The following CRPPA variants were observed in gnomAD, a reference collection of about 807,000 sequenced individuals.
CRPPA encodes the protein CDP-L-ribitol pyrophosphorylase A.
CRPPA carries 43 observed loss-of-function variants against 52.0 expected under a neutral mutation model. The ratio of observed to expected loss-of-function variants is 0.83; its 90% CI spans 0.65 to 1.07. The LOEUF (loss-of-function observed/expected upper bound fraction) is 1.07. CRPPA is among the 50% of genes least tolerant of loss of function. The pLI is 0.00. For missense variants in CRPPA, 629 were observed against 551.7 expected, an observed-to-expected ratio of 1.14 and a Z score of -1.40; for synonymous variants, 250 against 203.5, an observed-to-expected ratio of 1.23 and a Z score of -1.94.
In CRPPA at chr7:16,399,695, A is replaced by T. The variant is rs181389425; in HGVS notation, c.534+6366T>A. ...GACGCATGACCAGTGACACGTGAGC[A>T]ACACGTGACCAACATGACTGACATG... On this transcript the variant is annotated intron_variant, in intron 2 of 9. Transcript: ENST00000407010. Among the ~76,000 whole-genome samples, 1,115 of 152,120 alleles carry T rather than the reference A, an allele frequency of 7.3e-3. 14 individuals carry two copies. The highest frequency in any genetic ancestry group is 0.025 in the African/African-American group (1,017 of 41,448).
chr7:16,223,421 A>G (rs1194612009), intron 8 of CRPPA, among the ~76,000 whole-genome samples: 1 of 152,200 alleles, frequency 6.6e-6, no homozygotes, highest in African/African-American at 2.4e-5. Context: ...TTAAACACAG[A>G]TACAGAACTC....
At chr7:16,199,859 T>TC (rs1332261808) in intron 9 of CRPPA, among the ~76,000 whole-genome samples, 10 of 149,316 alleles carry the variant, frequency 6.7e-5, no homozygotes, top group Non-Finnish European at 1.0e-4. Flanking sequence ...TTTTTCTTTT[T>TC]TTTTTTTTTT....
intron 9 of CRPPA, among the ~76,000 whole-genome samples, chr7:16,139,117 T>G (rs1465837805): frequency 6.6e-6 from 1 of 152,076 alleles, no homozygotes; most frequent in Non-Finnish European, 1.5e-5. Flanking sequence ...ACCCCCTTTA[T>G]GAGCTCACTT....
At chr7:16,148,264 G>A (rs1783011966) in intron 9 of CRPPA, among the ~76,000 whole-genome samples, 2 of 152,038 alleles carry the variant, frequency 1.3e-5, no homozygotes, top group Non-Finnish European at 2.9e-5. Context: ...ATACAACTGT[G>A]ACATGAACTA....
intron 8 of CRPPA, among the ~76,000 whole-genome samples, chr7:16,255,513 G>T (rs1783614291): frequency 6.6e-6 from 1 of 152,128 alleles, no homozygotes; most frequent in African/African-American, 2.4e-5. Context: ...AACAAAGCTG[G>T]AGGCATCACG....
At position 16,203,053 on chromosome 7, in the gene CRPPA, G is replaced by A. The variant is rs1005045860; in HGVS notation, c.1251+13013C>T. Among the ~76,000 whole-genome samples, 4 of 152,130 alleles carry A rather than the reference G, an allele frequency of 2.6e-5. No homozygotes were observed. The East Asian group carries it at 7.7e-4, about 29-fold the overall frequency. ...TTCACAAGTGGTTAAAAATAACTAG[G>A]TTGGTAATATTTTAAGGGTCTTATC... On this transcript the variant is annotated intron_variant, in intron 9 of 9. Coordinates refer to ENST00000407010, the MANE Select transcript of CRPPA (RefSeq NM_001101426.4).
intron 2 of CRPPA, among the ~76,000 whole-genome samples, chr7:16,403,955 C>A (rs950360103): frequency 2.0e-5 from 3 of 152,186 alleles, no homozygotes; most frequent in Non-Finnish European, 4.4e-5. Context: ...GGAGTTTCAA[C>A]TGACTCCACC....
At chr7:16,250,724 G>T (rs980428457) in intron 8 of CRPPA, among the ~76,000 whole-genome samples, 1 of 152,104 alleles carries the variant, frequency 6.6e-6, no homozygotes, top group African/African-American at 2.4e-5. Flanking sequence ...CCTGAAGGAA[G>T]CACTAAACAT....
At chr7:16,182,688 C>G (rs530582207) in intron 9 of CRPPA, among the ~76,000 whole-genome samples, 2 of 152,244 alleles carry the variant, frequency 1.3e-5, no homozygotes, top group African/African-American at 4.8e-5. Context: ...GTTATCAGCC[C>G]TGATTCCCCA....
chr7:16,111,111 G>A (rs1226225640), intron 9 of CRPPA, among the ~76,000 whole-genome samples: 3 of 151,718 alleles, frequency 2.0e-5, no homozygotes, highest in Non-Finnish European at 4.4e-5. Context: ...AATTAAAAAC[G>A]GCAAGGGACC....
intron 2 of CRPPA, among the ~76,000 whole-genome samples, chr7:16,386,176 A>G (rs1441302582): frequency 1.8e-5 from 2 of 111,970 alleles, no homozygotes; most frequent in African/African-American, 4.5e-5. Flanking sequence ...ATGGGGTGGG[A>G]AGATGATCTC....
At chr7:16,116,158 G>A (rs1381909836) in intron 9 of CRPPA, among the ~76,000 whole-genome samples, 2 of 152,088 alleles carry the variant, frequency 1.3e-5, no homozygotes, top group Admixed American at 6.6e-5. Context: ...CCCAGCAGAT[G>A]CCACTTTAAC....
intron 3 of CRPPA, among the ~76,000 whole-genome samples, chr7:16,322,354 T>C (rs1420610000): frequency 2.0e-5 from 3 of 152,160 alleles, no homozygotes; most frequent in Non-Finnish European, 4.4e-5. Context: ...CCTGAAAGCA[T>C]GAACTGGCAT....
chr7:16,345,155 A>C (rs1322377677), intron 3 of CRPPA, among the ~76,000 whole-genome samples: 2 of 152,154 alleles, frequency 1.3e-5, no homozygotes, highest in African/African-American at 4.8e-5. Flanking sequence ...TTAACAGCTT[A>C]CTTCTCATCA....
intron 5 of CRPPA, among the ~76,000 whole-genome samples, chr7:16,290,494 C>A (rs1784538873): frequency 6.6e-6 from 1 of 151,922 alleles, no homozygotes; most frequent in South Asian, 2.1e-4. Flanking sequence ...AGAAATAAAT[C>A]CACATATTTA....
At chr7:16,157,977 C>T (rs1046131142) in intron 9 of CRPPA, among the ~76,000 whole-genome samples, 9 of 151,836 alleles carry the variant, frequency 5.9e-5, no homozygotes, top group East Asian at 1.9e-4. Flanking sequence ...GGGAATCAAG[C>T]GATTCCCCTG....
intron 1 of CRPPA, among the ~76,000 whole-genome samples, chr7:16,411,948 A>G (rs1307177879): frequency 6.6e-6 from 1 of 152,212 alleles, no homozygotes; most frequent in African/African-American, 2.4e-5. Flanking sequence ...GAAAATTTAC[A>G]TTGACTTAAA....
chr7:16,227,236 C>T (rs983316819), intron 8 of CRPPA, among the ~76,000 whole-genome samples: 1 of 151,774 alleles, frequency 6.6e-6, no homozygotes, highest in Non-Finnish European at 1.5e-5. Flanking sequence ...GATTTCATTT[C>T]CTTTGTATAT....
chr7:16,282,459 A>G (rs1784338746), intron 5 of CRPPA, among the ~76,000 whole-genome samples: 1 of 152,022 alleles, frequency 6.6e-6, no homozygotes, highest in South Asian at 2.1e-4. Flanking sequence ...AGGTCAAGAG[A>G]TGGAGGAGGA....
Sources: allele counts gnomAD v4.1 joint callset (sites outside exome capture counted in the v4.1 genomes callset), GRCh38; gene constraint gnomAD v4.1.1; transcripts MANE v1.5; gene names NCBI Gene and HGNC (gene_info 2026-07-23, HGNC 2026-07-21).